Variants in RBFOX3 observed in about 807,000 individuals in gnomAD.
The protein encoded by RBFOX3 is RNA binding protein fox-1 homolog 3.
RBFOX3 carries 17 observed loss-of-function variants against 48.7 expected under a neutral mutation model. The observed-to-expected ratio is 0.35, with a 90% CI of 0.24 to 0.52. The LOEUF (loss-of-function observed/expected upper bound fraction) is 0.52. Among genes scored for constraint, RBFOX3 ranks in the 20% least tolerant of loss-of-function variants. The pLI is 0.94. For synonymous variants in RBFOX3, 212 were observed against 209.5 expected (o/e 1.01, Z -0.10); for missense variants, 382 against 497.5 (o/e 0.77, Z 2.21).
chr17:79,546,868 C>G (rs1448072888), intron 1 of RBFOX3, among the ~76,000 whole-genome samples: 2 of 151,724 alleles, frequency 1.3e-5, no homozygotes, highest in South Asian at 2.1e-4. Flanking sequence ...CGGGGTTTCT[C>G]CATGTTGGTC....
At chr17:79,500,677 G>T (rs2082270133) in intron 1 of RBFOX3, among the ~76,000 whole-genome samples, 2 of 152,004 alleles carry the variant, frequency 1.3e-5, no homozygotes, top group Non-Finnish European at 2.9e-5. Context: ...AAAAGACATT[G>T]ATTATGAAAC....
At chr17:79,128,845 C>A (rs1392158711) in intron 4 of RBFOX3, among the ~76,000 whole-genome samples, 3 of 152,192 alleles carry the variant, frequency 2.0e-5, no homozygotes, top group African/African-American at 4.8e-5. Flanking sequence ...ACAGAGGGGT[C>A]CCTGCAGGTA....
chr17:79,448,322 T>C (rs566058809), intron 2 of RBFOX3, among the ~76,000 whole-genome samples: 36 of 152,248 alleles, frequency 2.4e-4, no homozygotes, highest in African/African-American at 8.7e-4. Context: ...AGTCCTAACC[T>C]GGGACCTCAA....
intron 1 of RBFOX3, among the ~76,000 whole-genome samples, chr17:79,491,982 A>G (rs1460695506): frequency 6.6e-6 from 1 of 152,184 alleles, no homozygotes; most frequent in South Asian, 2.1e-4. Context: ...CTCGAGAGGC[A>G]GGAGAATTGC....
rs376427570 is a variant in RBFOX3, at chr17:79,313,118, G to T, written c.-174-5294C>A. ...CTACATTGCTCTTGCTCTCACTAAG[G>T]TCAGCCAGCTGCAGACTCAGTTTCC... is the stretch of plus-strand genomic sequence containing the variant. On this transcript the variant is annotated intron_variant, in intron 2 of 14. Coordinates refer to ENST00000693108, the MANE Select transcript of RBFOX3 (RefSeq NM_001350451.2). Among the ~76,000 whole-genome samples the T allele has an allele frequency of 1.7e-4, 26 of 152,310 alleles. No homozygotes were observed. The East Asian group carries it at 2.7e-3, about 16-fold the overall frequency.
intron 1 of RBFOX3, among the ~76,000 whole-genome samples, chr17:79,500,420 G>A (rs1202889650): frequency 6.6e-6 from 1 of 151,938 alleles, no homozygotes; most frequent in Non-Finnish European, 1.5e-5. Context: ...ACCACGCCTG[G>A]CTAATTTTGC....
intron 2 of RBFOX3, among the ~76,000 whole-genome samples, chr17:79,429,244 G>A (rs2067980049): frequency 1.3e-5 from 2 of 152,234 alleles, no homozygotes; most frequent in Admixed American, 1.3e-4. Flanking sequence ...TTGACCCTCT[G>A]TGAGGAGAGG....
Position 79,139,641 on chromosome 17 carries a change from C to T in RBFOX3, c.-33-23893G>A, listed in dbSNP as rs377236986. Among the ~76,000 whole-genome samples, 73 of 152,320 alleles carry T rather than the reference C, an allele frequency of 4.8e-4. 1 individual carries two copies. In the South Asian group the frequency reaches 0.014, roughly 29 times the overall value. Reference sequence around the variant, plus strand: ...GGCCAGACTCTCCTGTGGGTGGGCACGTGGCTGTGATGCAGTGGGGGACCA... The same window carrying T: ...GGCCAGACTCTCCTGTGGGTGGGCATGTGGCTGTGATGCAGTGGGGGACCA... On this transcript the variant is annotated intron_variant, in intron 4 of 14. Coordinates refer to ENST00000693108, the MANE Select transcript of RBFOX3 (RefSeq NM_001350451.2).
chr17:79,478,074 G>A (rs931302667), intron 2 of RBFOX3, among the ~76,000 whole-genome samples: 10 of 152,284 alleles, frequency 6.6e-5, no homozygotes, highest in Admixed American at 1.3e-4. Flanking sequence ...GCCAAGCAAC[G>A]CTCATGTGCT....
intron 3 of RBFOX3, among the ~76,000 whole-genome samples, chr17:79,264,961 GAGGA>G (rs921923997): frequency 2.0e-4 from 28 of 139,214 alleles, no homozygotes; most frequent in African/African-American, 7.7e-4. Flanking sequence ...CTCAGTGCGA[GAGGA>G]GGGGGGGGGG....
At chr17:79,661,534 T>C in the RBFOX3 span, among the ~76,000 whole-genome samples, 1 of 152,206 alleles carries the variant, frequency 6.6e-6, no homozygotes, top group African/African-American at 2.4e-5. Context: ...AAGCTTGAAG[T>C]TGTGAAAAAC....
rs962492177 is a variant in RBFOX3, at chr17:79,090,485, C to A, written c.*398G>T. The A allele has an allele frequency of 4.9e-6, 1 of 203,262 alleles. No homozygotes were observed. Among genetic ancestry groups the A allele is most frequent in the African/African-American group, 2.3e-5 (1 of 43,146 alleles). 12.6% of individuals were successfully genotyped at this position (203,262 alleles called of 1,614,324 possible). ...CTCAGGCCCGGGCCTGCTCCGCCGC[C>A]GCTGGGCTCCACACTGTCTGTCTTG... On this transcript the variant is annotated 3_prime_UTR_variant, in exon 15 of 15. Coordinates refer to ENST00000693108, the MANE Select transcript of RBFOX3 (RefSeq NM_001350451.2).
At chr17:79,239,847 C>T (rs1179521560) in intron 3 of RBFOX3, among the ~76,000 whole-genome samples, 1 of 152,232 alleles carries the variant, frequency 6.6e-6, no homozygotes, top group Non-Finnish European at 1.5e-5. Flanking sequence ...CAGAGCTGGA[C>T]CCCTGTTTTG....
At chr17:79,290,089 G>A (rs2072933150) in intron 3 of RBFOX3, among the ~76,000 whole-genome samples, 1 of 152,082 alleles carries the variant, frequency 6.6e-6, no homozygotes, top group South Asian at 2.1e-4. Context: ...GGCACTGGAA[G>A]CTCCTTGGAG....
At chr17:79,109,801 C>T (rs774226349) in intron 5 of RBFOX3, among the ~76,000 whole-genome samples, 3 of 152,150 alleles carry the variant, frequency 2.0e-5, no homozygotes, top group Non-Finnish European at 2.9e-5. Context: ...CCGCGCCCAC[C>T]CACAGGCGCT....
Position 79,258,866 on chromosome 17 carries a change from C to T in RBFOX3, c.-73-23061G>A, listed in dbSNP as rs1041997801. Among the ~76,000 whole-genome samples, 4 of 152,210 alleles carry T rather than the reference C, an allele frequency of 2.6e-5. No homozygotes were observed. The South Asian group carries it at 6.2e-4, about 24-fold the overall frequency. ...CACCTGGGCCACCTTGTACTTGACCCGGCTATCACAGTCCACCTGCCATGG... is the reference window on the plus strand; with the variant it reads ...CACCTGGGCCACCTTGTACTTGACCTGGCTATCACAGTCCACCTGCCATGG... On this transcript the variant is annotated intron_variant, in intron 3 of 14. Transcript: ENST00000693108.
intron 2 of RBFOX3, among the ~76,000 whole-genome samples, chr17:79,437,592 TAGATCCATGTGGGGATGGGAGGCAGAC>T (rs1239048515): frequency 1.3e-5 from 2 of 152,240 alleles, no homozygotes; most frequent in South Asian, 2.1e-4. Flanking sequence ...AACAGGCAGA[TAGATCCATGTGGGGATGGGAGGCAGAC>T]AGATCCATGT....
At chr17:79,228,445 T>C (rs1280634594) in intron 4 of RBFOX3, among the ~76,000 whole-genome samples, 1 of 152,196 alleles carries the variant, frequency 6.6e-6, no homozygotes, top group Non-Finnish European at 1.5e-5. Context: ...GGGGTTTTCA[T>C]ACTTCCACAC....
At chr17:79,380,604 G>A (rs552127450) in intron 2 of RBFOX3, among the ~76,000 whole-genome samples, 67 of 152,270 alleles carry the variant, frequency 4.4e-4, no homozygotes, top group African/African-American at 1.5e-3. Flanking sequence ...TTGGAAATGG[G>A]AGAAAAATGG....
Sources: gnomAD v4.1 joint callset for allele counts (sites outside exome capture counted in the v4.1 genomes callset) on GRCh38, gnomAD v4.1.1 for gene constraint, MANE v1.5 for transcripts, NCBI Gene and HGNC (gene_info 2026-07-23, HGNC 2026-07-21) for gene names.